Variants in FHIT observed in about 807,000 individuals in gnomAD.
FHIT encodes the protein bis(5'-adenosyl)-triphosphatase.
In FHIT, 19 loss-of-function variants were observed where a neutral mutation model predicts 17.9. The ratio of observed to expected loss-of-function variants is 1.06; its 90% CI spans 0.74 to 1.56. The LOEUF (loss-of-function observed/expected upper bound fraction) is 1.56, where lower values mean the gene tolerates loss of function less well. Ranked by LOEUF, FHIT falls within the 40% of genes most tolerant of loss-of-function variation. The pLI, the probability that FHIT is intolerant of heterozygous loss-of-function variation, is 0.00. For synonymous variants in FHIT, 81 were observed against 69.7 expected (o/e 1.16, Z -0.81); for missense variants, 248 against 189.2 (o/e 1.31, Z -1.82).
At chr3:61,103,131 T>C (rs2035883833) in intron 2 of FHIT, among the ~76,000 whole-genome samples, 3 of 151,846 alleles carry the variant, frequency 2.0e-5, no homozygotes, top group Non-Finnish European at 4.4e-5. Context: ...CTCTAGTTCT[T>C]TTAATTGTGA....
intron 2 of FHIT, among the ~76,000 whole-genome samples, chr3:61,143,845 G>A (rs1412836795): frequency 1.3e-5 from 2 of 152,262 alleles, no homozygotes; most frequent in East Asian, 1.9e-4. Flanking sequence ...CAGATTGGGT[G>A]ACAGAGCAAG....
At chr3:60,751,180 G>A (rs578232638) in intron 4 of FHIT, among the ~76,000 whole-genome samples, 2 of 152,262 alleles carry the variant, frequency 1.3e-5, no homozygotes, top group South Asian at 2.1e-4. Flanking sequence ...AAGTAACATG[G>A]GTGAAATGCT....
chr3:60,669,341 G>A (rs2682958), intron 4 of FHIT, among the ~76,000 whole-genome samples: 1 of 152,144 alleles, frequency 6.6e-6, no homozygotes, highest in Non-Finnish European at 1.5e-5. Context: ...TCAGAACATA[G>A]GCTCACTTGG....
intron 5 of FHIT, among the ~76,000 whole-genome samples, chr3:60,241,306 A>C (rs1705117008): frequency 6.6e-6 from 1 of 152,142 alleles, no homozygotes; most frequent in Non-Finnish European, 1.5e-5. Context: ...AAAATTTATC[A>C]AATAAGATTG....
intron 5 of FHIT, among the ~76,000 whole-genome samples, chr3:60,286,690 A>G (rs1427460138): frequency 2.0e-5 from 3 of 152,204 alleles, no homozygotes; most frequent in Non-Finnish European, 4.4e-5. Context: ...AGCAACAGGG[A>G]AAGTCGGTGT....
intron 5 of FHIT, among the ~76,000 whole-genome samples, chr3:60,252,787 G>A (rs1042302400): frequency 5.3e-5 from 8 of 151,642 alleles, no homozygotes; most frequent in South Asian, 2.1e-4. Context: ...TCAGAAGATC[G>A]AGACCATCCT....
chr3:59,950,583 G>T (rs1216391213), intron 7 of FHIT, among the ~76,000 whole-genome samples: 1 of 135,962 alleles, frequency 7.4e-6, no homozygotes, highest in Non-Finnish European at 1.6e-5. Flanking sequence ...TTTCTTTTCT[G>T]CTTTTCCTAC....
intron 5 of FHIT, among the ~76,000 whole-genome samples, chr3:60,173,915 A>ATATATATATATT: frequency 4.5e-5 from 3 of 66,428 alleles, no homozygotes; most frequent in Admixed American, 2.1e-4. Context: ...ATATATATAT[A>ATATATATATATT]TGTTTTTTTT....
At chr3:60,467,899 G>A (rs2107437871) in intron 5 of FHIT, among the ~76,000 whole-genome samples, 1 of 152,202 alleles carries the variant, frequency 6.6e-6, no homozygotes. Flanking sequence ...AATGCTGACA[G>A]TGGGTGAAGT....
At chr3:60,168,679 C>T (rs1302901942) in intron 5 of FHIT, among the ~76,000 whole-genome samples, 3 of 152,210 alleles carry the variant, frequency 2.0e-5, no homozygotes, top group Non-Finnish European at 4.4e-5. Flanking sequence ...AAAGGTAAGA[C>T]AGGGGACATT....
At chr3:60,403,859 A>G (rs919917005) in intron 5 of FHIT, among the ~76,000 whole-genome samples, 2 of 152,208 alleles carry the variant, frequency 1.3e-5, no homozygotes, top group Admixed American at 6.5e-5. Flanking sequence ...TAAAATTATG[A>G]TCAAATAAAT....
intron 3 of FHIT, among the ~76,000 whole-genome samples, chr3:61,001,485 A>AT: frequency 6.6e-6 from 1 of 152,346 alleles, no homozygotes; most frequent in East Asian, 1.9e-4. Context: ...ATACAAAGGA[A>AT]TGAACTATTG....
At chr3:61,010,356 T>C (rs1422129531) in intron 3 of FHIT, among the ~76,000 whole-genome samples, 1 of 152,224 alleles carries the variant, frequency 6.6e-6, no homozygotes, top group Non-Finnish European at 1.5e-5. Context: ...GCAGACCTAC[T>C]GATAATCATA....
At chr3:60,213,570 G>C (rs886085713) in intron 5 of FHIT, among the ~76,000 whole-genome samples, 3 of 152,104 alleles carry the variant, frequency 2.0e-5, no homozygotes, top group African/African-American at 7.2e-5. Flanking sequence ...CCCAACAACA[G>C]ATTTTTCCCA....
At chr3:60,363,945 G>T (rs577882671) in intron 5 of FHIT, among the ~76,000 whole-genome samples, 1 of 152,192 alleles carries the variant, frequency 6.6e-6, no homozygotes, top group Non-Finnish European at 1.5e-5. Context: ...GTCCTTTGAG[G>T]TTCCCACAAC....
chr3:60,895,819 A>AT (rs35105245), intron 3 of FHIT, among the ~76,000 whole-genome samples: 82,047 of 137,570 alleles, frequency 0.6, 25,742 homozygotes, highest in East Asian at 0.9. Flanking sequence ...ACAGGTCCTC[A>AT]TTTTTTTTTT....
At chr3:59,776,969 A>G (rs780368) in intron 8 of FHIT, among the ~76,000 whole-genome samples, 125,701 of 152,070 alleles carry the variant, frequency 0.83, 52,407 homozygotes, top group East Asian at 1. Flanking sequence ...CTCCCACCAC[A>G]CATGGAATAA....
chr3:60,355,509 G>T lies in FHIT; in HGVS notation c.103+181351C>A, dbSNP rs1321356116. On this transcript the variant is annotated intron_variant, in intron 5 of 9. Coordinates refer to ENST00000492590, the MANE Select transcript of FHIT (RefSeq NM_002012.4). ...AAAAGCAAAGCAAGAAAATGACATTGCATGATTAAAAAATTTCAAAAGGCT... is the reference window on the plus strand; with the variant it reads ...AAAAGCAAAGCAAGAAAATGACATTTCATGATTAAAAAATTTCAAAAGGCT... 1.3e-5 allele frequency among the ~76,000 whole-genome samples: 2 copies of T among 151,698 alleles called. 1 individual carries two copies. The highest frequency in any genetic ancestry group is 4.8e-5 in the African/African-American group (2 of 41,326).
intron 2 of FHIT, among the ~76,000 whole-genome samples, chr3:61,160,719 G>A (rs559569030): frequency 1.3e-5 from 2 of 152,298 alleles, no homozygotes; most frequent in East Asian, 3.9e-4. Flanking sequence ...AGTGAGGATA[G>A]CCATGAAACA....
Sources: gnomAD v4.1 joint callset for allele counts (sites outside exome capture counted in the v4.1 genomes callset) on GRCh38, gnomAD v4.1.1 for gene constraint, MANE v1.5 for transcripts, NCBI Gene and HGNC (gene_info 2026-07-23, HGNC 2026-07-21) for gene names.